LYZL4: variants seen among roughly 807,000 people sequenced by gnomAD.
LYZL4 encodes lysozyme like 4.
Under a neutral mutation model 17.6 loss-of-function variants are expected in LYZL4, and 13 were observed. The observed-to-expected ratio is 0.74, with a 90% CI of 0.48 to 1.18. The LOEUF is 1.18. LYZL4 is among the 50% of genes most tolerant of loss of function. LYZL4 has a pLI of 0.00. For missense variants in LYZL4, 174 were observed against 188.2 expected, an observed-to-expected ratio of 0.92 and a Z score of 0.44; for synonymous variants, 64 against 67.7, an observed-to-expected ratio of 0.95 and a Z score of 0.27.
the LYZL4 span, among the ~76,000 whole-genome samples, chr3:42,367,719 T>C: frequency 6.6e-6 from 1 of 152,214 alleles, no homozygotes; most frequent in Non-Finnish European, 1.5e-5. Flanking sequence ...TCTTGAATGA[T>C]TGCCAAGGTG....
In LYZL4 at chr3:42,397,253, C is replaced by A; in HGVS notation, c.*12G>T. The stretch of plus-strand genomic sequence containing the variant: ...ATGCAACTGGTGAGTGCTGCAGGGG[C>A]CATGCAGGTGGCTACAGCTTGCAAC... On this transcript the variant is annotated 3_prime_UTR_variant, in exon 5 of 5. Coordinates refer to ENST00000287748, the MANE Select transcript of LYZL4 (RefSeq NM_144634.4). The A allele has an allele frequency of 6.4e-7, 1 of 1,550,816 alleles. No individual in the cohort carries two copies. Among genetic ancestry groups the A allele is most frequent in the South Asian group, 1.2e-5 (1 of 84,098 alleles).
intron 3 of LYZL4, among the ~76,000 whole-genome samples, chr3:42,406,409 G>A (rs1383840194): frequency 2.1e-5 from 3 of 141,778 alleles, no homozygotes; most frequent in African/African-American, 8.1e-5. Flanking sequence ...AGCCGAGATC[G>A]CGCCACTGCA....
intron 4 of LYZL4, among the ~76,000 whole-genome samples, chr3:42,399,558 T>C (rs57040244): frequency 0.25 from 37,845 of 152,048 alleles, 4,954 homozygotes; most frequent in East Asian, 0.38. Context: ...GCTCTATTAA[T>C]AGCTGAAAAA....
At chr3:42,402,275 T>C (rs963604069) in intron 4 of LYZL4, among the ~76,000 whole-genome samples, 1 of 150,842 alleles carries the variant, frequency 6.6e-6, no homozygotes, top group South Asian at 2.1e-4. Flanking sequence ...CACTGCACTC[T>C]AGCCAGGGTG....
downstream of LYZL4, among the ~76,000 whole-genome samples, chr3:42,393,348 C>T (rs998493996): frequency 5.9e-5 from 9 of 152,010 alleles, no homozygotes; most frequent in Non-Finnish European, 1.2e-4. Context: ...CACACACACA[C>T]ACACACACAC....
the LYZL4 span, among the ~76,000 whole-genome samples, chr3:42,390,138 T>C: frequency 6.6e-6 from 1 of 152,164 alleles, no homozygotes; most frequent in African/African-American, 2.4e-5. Context: ...GTCAGGGATT[T>C]AGAAGGAACA....
the LYZL4 span, among the ~76,000 whole-genome samples, chr3:42,374,069 A>G: frequency 1.3e-5 from 2 of 152,244 alleles, no homozygotes; most frequent in Non-Finnish European, 2.9e-5. Context: ...TTATAAATTT[A>G]CTGATAATAG....
rs1698843058 is a variant in LYZL4, at chr3:42,410,515, T to C, written c.-191A>G. The C allele has an allele frequency of 6.6e-6, 1 of 152,218 alleles. No homozygotes were observed. The highest frequency in any genetic ancestry group is 1.5e-5 in the Non-Finnish European group (1 of 68,038). 9.4% of individuals were successfully genotyped at this position (152,218 alleles called of 1,614,324 possible). A position where few individuals can be genotyped will look rare whatever the true frequency, so the allele number is the denominator to read the frequency against. On this transcript the variant is annotated 5_prime_UTR_variant, in exon 1 of 5. Transcript: ENST00000287748. ...GCTTCGACGTGTGTTGCAGGGAAGTTGCTCCACCTACATTTGGTTCCTTGG... is the reference window on the plus strand; with the variant it reads ...GCTTCGACGTGTGTTGCAGGGAAGTCGCTCCACCTACATTTGGTTCCTTGG...
the LYZL4 span, among the ~76,000 whole-genome samples, chr3:42,389,414 T>C: frequency 6.6e-6 from 1 of 152,190 alleles, no homozygotes; most frequent in Non-Finnish European, 1.5e-5. Flanking sequence ...AGCCACTTTC[T>C]GACTCCCTGC....
downstream of LYZL4, among the ~76,000 whole-genome samples, chr3:42,395,387 G>A (rs1395626910): frequency 6.6e-6 from 1 of 152,096 alleles, no homozygotes; most frequent in East Asian, 1.9e-4. Flanking sequence ...TAAAAATGGT[G>A]CTAGGATCCC....
Position 42,404,045 on chromosome 3 carries a change from C to T in LYZL4, c.371+1G>A, listed in dbSNP as rs374260482. 4 of 1,597,200 alleles carry T rather than the reference C, an allele frequency of 2.5e-6. No individual in the cohort carries two copies. The highest frequency in any genetic ancestry group is 1.3e-5 in the African/African-American group (1 of 74,508). ...AGGCTACATAAAAATGTAAGACTTA[C>T]CATGCTCCCATCCCTTCTTTTCCTT... On this transcript the variant is annotated splice_donor_variant, in intron 4 of 4. Coordinates refer to ENST00000287748, the MANE Select transcript of LYZL4 (RefSeq NM_144634.4). LOFTEE classifies it high-confidence loss of function.
intron 3 of LYZL4, among the ~76,000 whole-genome samples, chr3:42,404,532 C>CCCATTGT: frequency 6.6e-6 from 1 of 152,152 alleles, no homozygotes; most frequent in Non-Finnish European, 1.5e-5. Flanking sequence ...TGTTTGCATT[C>CCCATTGT]TACCTAATGG....
the LYZL4 span, among the ~76,000 whole-genome samples, chr3:42,365,449 A>C: frequency 6.6e-6 from 1 of 152,116 alleles, no homozygotes; most frequent in Non-Finnish European, 1.5e-5. Context: ...ACTGGGCTGA[A>C]GGTTGAACCT....
chr3:42,387,607 C>G, the LYZL4 span, among the ~76,000 whole-genome samples: 20 of 152,158 alleles, frequency 1.3e-4, no homozygotes, highest in Admixed American at 1.2e-3. Context: ...ACCACCCCAA[C>G]TCTCCCTGCT....
At chr3:42,407,746 C>G (rs1263590182) in intron 1 of LYZL4, among the ~76,000 whole-genome samples, 1 of 151,692 alleles carries the variant, frequency 6.6e-6, no homozygotes, top group Non-Finnish European at 1.5e-5. Context: ...GCAGCAGAAC[C>G]ACTACCGACC....
At chr3:42,384,552 G>A in the LYZL4 span, among the ~76,000 whole-genome samples, 9 of 152,210 alleles carry the variant, frequency 5.9e-5, no homozygotes, top group South Asian at 2.1e-4. Flanking sequence ...ATCCTGAGAG[G>A]AGAATTAGAC....
At chr3:42,361,982 G>A in the LYZL4 span, among the ~76,000 whole-genome samples, 4 of 152,036 alleles carry the variant, frequency 2.6e-5, no homozygotes, top group Admixed American at 2.6e-4. Flanking sequence ...TTAATTAAAA[G>A]AATTTTAACT....
chr3:42,362,508 G>A, the LYZL4 span, among the ~76,000 whole-genome samples: 3 of 152,180 alleles, frequency 2.0e-5, no homozygotes, highest in African/African-American at 7.2e-5. Context: ...CCAAGATCAA[G>A]GCACTAGCTG....
At chr3:42,397,421 C>G (rs1698570400) in intron 4 of LYZL4, 87 bp from the exon 5 acceptor site, 2 of 860,630 alleles carry the variant, frequency 2.3e-6, no homozygotes, top group East Asian at 5.4e-5. Flanking sequence ...GCCATTTACA[C>G]CTGCCTGCCC....
Sources: allele counts gnomAD v4.1 joint callset (sites outside exome capture counted in the v4.1 genomes callset), GRCh38; gene constraint gnomAD v4.1.1; transcripts MANE v1.5; gene names NCBI Gene and HGNC (gene_info 2026-07-23, HGNC 2026-07-21).